PITPNM1: variants seen among roughly 807,000 people sequenced by gnomAD.
PITPNM1 encodes membrane-associated phosphatidylinositol transfer protein 1.
PITPNM1 carries 74 observed loss-of-function variants against 133.3 expected under a neutral mutation model. The ratio of observed to expected loss-of-function variants is 0.56; its 90% CI spans 0.46 to 0.67. The LOEUF (loss-of-function observed/expected upper bound fraction) is 0.67. Among genes scored for constraint, PITPNM1 ranks in the 30% least tolerant of loss-of-function variants. PITPNM1 has a pLI of 0.00. For missense variants in PITPNM1, 1,398 were observed against 1,739.5 expected, an observed-to-expected ratio of 0.80 and a Z score of 3.49; for synonymous variants, 738 against 741.4, an observed-to-expected ratio of 1.00 and a Z score of 0.08.
chr11:67,496,280 G>T lies in PITPNM1; in HGVS notation c.2215C>A (p.Arg739Ser). The change falls in exon 15 of 24, where the codon CGC becomes AGC. Residue 739 changes from arginine (R) to serine (S), a missense_variant. This residue lies in a region of PITPNM1 where 574 missense variants were observed against 698.7 expected (regional missense o/e 0.82). Transcript: ENST00000356404. ...TTCGGGGCCAGCAGGGGCTCGAGGC[G>T]TGAGGCGCAGGGGTCAGCCGCGTGG... ...LFHAADPCAS[R>S]LEPLLAPKFQ... 1.3e-6 allele frequency: 2 copies of T among 1,568,758 alleles called. No individual in the cohort carries two copies. Among genetic ancestry groups the T allele is most frequent in the Non-Finnish European group, 1.7e-6 (2 of 1,163,712 alleles).
chr11:67,497,642 C>T lies in PITPNM1; in HGVS notation c.1820G>A (p.Arg607Gln), dbSNP rs376493442. Residue 607 changes from arginine (R) to glutamine (Q), a missense_variant, in exon 13 of 24, where the codon CGG (arginine) becomes CAG (glutamine). Around this residue, in one of 5 missense-constraint regions of PITPNM1, gnomAD observed 574 missense variants for 698.7 expected, o/e 0.82. Transcript: ENST00000356404. ...ELLSPEFGPV[R>Q]DPLADGVEGL... ...TTCCACACCATCTGCCAGGGGGTCC[C>T]GCACTGGGCCAAACTCCGGAGAGAG... 8.1e-6 allele frequency: 13 copies of T among 1,610,138 alleles called. No homozygotes were observed. Among genetic ancestry groups the T allele is most frequent in the Middle Eastern group, 1.7e-4 (1 of 6,040 alleles).
intron 2 of PITPNM1, 191 bp downstream of exon 2, chr11:67,503,889 ACAGGAGATCAGAGGAGGGCTGGG>A: frequency 4.1e-6 from 2 of 481,934 alleles, no homozygotes; most frequent in Non-Finnish European, 7.5e-6. Flanking sequence ...GAGGAGGATT[ACAGGAGATCAGAGGAGGGCTGGG>A]CACTTAGCGG....
chr11:67,496,030 C>T (rs970580002), intron 15 of PITPNM1, 148 bp downstream of exon 15: 10 of 795,650 alleles, frequency 1.3e-5, no homozygotes, highest in East Asian at 6.7e-5. Flanking sequence ...GGGATCCAGA[C>T]CCCCCCAGGG....
intron 18 of PITPNM1, 89 bp downstream of exon 18, chr11:67,494,757 A>AG (rs1866051904): frequency 5.8e-6 from 3 of 516,454 alleles, no homozygotes; most frequent in Non-Finnish European, 9.4e-6. Flanking sequence ...GGACCCGAGG[A>AG]GGGGGGTGCT....
At chr11:67,505,583 G>C (rs1012149216), upstream of PITPNM1, among the ~76,000 whole-genome samples, 2 of 152,228 alleles carry the variant, frequency 1.3e-5, no homozygotes, top group Admixed American at 6.5e-5. This position sits in a 1 kb window ranked among gnomAD's most constrained non-coding sequence, Gnocchi z 5.8. Context: ...GGTCCCCAAA[G>C]ACTCTTAGTT....
rs2134299858 is a variant in PITPNM1 at position 67,498,022 on chromosome 11, G to A, written c.1677C>T (p.Val559=). 3.1e-6 allele frequency: 5 copies of A among 1,609,862 alleles called. No individual in the cohort carries two copies. Among genetic ancestry groups the A allele is most frequent in the Middle Eastern group, 1.6e-4 (1 of 6,062 alleles). Residue 559 remains valine (V), a splice_region_variant and synonymous_variant, in exon 12 of 24, where the codon GTC becomes GTT. Transcript: ENST00000356404. The surrounding 1 kb of genome is among the most constrained non-coding windows in gnomAD (Gnocchi z 5.7). ...CACCAACACCATCTCCAATCAGTGC[G>A]ACCTGGGTGGGAGCAGGGGCACCAT... is the stretch of plus-strand genomic sequence containing the variant. ...SPEGAGFCGQ[V]ALIGDGVGGI... is the part of the protein sequence containing the mutation.
At chr11:67,496,533 C>T (rs909430038) in intron 14 of PITPNM1, 185 bp from the exon 15 acceptor site, 5 of 542,132 alleles carry the variant, frequency 9.2e-6, no homozygotes, top group Non-Finnish European at 1.6e-5. Context: ...GGCACCGTGG[C>T]TCATGCCTGG....
chr11:67,497,447 G>A lies in PITPNM1; in HGVS notation c.1941-11C>T, dbSNP rs756489675. 6.3e-7 allele frequency: 1 copy of A among 1,591,568 alleles called. No homozygotes were observed. Among genetic ancestry groups the A allele is most frequent in the Non-Finnish European group, 8.6e-7 (1 of 1,166,922 alleles). On this transcript the variant is annotated splice_polypyrimidine_tract_variant and intron_variant, in intron 13 of 23. Coordinates refer to ENST00000356404, the MANE Select transcript of PITPNM1 (RefSeq NM_004910.3). ...GGGGCTGCCTGAAGGCTGTGGGGGA[G>A]GAGGGGTGCTCAGTGCTGCTGCCTC...
In PITPNM1 at chr11:67,493,007, G is replaced by A; in HGVS notation, c.3398C>T (p.Ala1133Val). ...CTGGCTCGGGGACAGCCCCAGCGCC[G>A]CGTATACAGCCACATCTTTGGGAGA... ...YGSPKDVAVY[A>V]ALGLSPSQTY... Residue 1133 changes from alanine to valine, a missense_variant, in exon 23 of 24, where the codon GCG (alanine) becomes GTG (valine). Coordinates refer to ENST00000356404, the MANE Select transcript of PITPNM1 (RefSeq NM_004910.3). 2.5e-6 allele frequency: 4 copies of A among 1,612,962 alleles called. No individual in the cohort carries two copies. Among genetic ancestry groups the A allele is most frequent in the East Asian group, 2.2e-5 (1 of 44,882 alleles).
rs776224174 is a variant in PITPNM1 at position 67,493,949 on chromosome 11, C to T, written c.2981G>A (p.Gly994Asp). Residue 994 changes from glycine (G) to aspartate (D), a missense_variant, in exon 20 of 24, where the codon GGT becomes GAT. Gly to Asp is a moderately conservative substitution (Grantham distance 94). Transcript: ENST00000356404. ...PVPPERALGI[G>D]VYPVRMVVRG... Reference sequence around the variant, plus strand: ...GACCACCATGCGCACGGGGTAGACACCAATGCCCAGCGCGCGTTCTGGGGG... The same window carrying T: ...GACCACCATGCGCACGGGGTAGACATCAATGCCCAGCGCGCGTTCTGGGGG... 6 of 1,602,024 alleles carry T rather than the reference C, an allele frequency of 3.7e-6. 1 individual carries two copies. In the South Asian group the frequency reaches 5.6e-5, roughly 15 times the overall value.
intron 7 of PITPNM1, 37 bp from the exon 8 acceptor site, chr11:67,499,867 A>T (rs1285246829): frequency 1.3e-6 from 2 of 1,591,404 alleles, no homozygotes; most frequent in Non-Finnish European, 1.7e-6. Context: ...GGGTGGGAGG[A>T]GCTGCTCGGG....
At chr11:67,494,977 G>A in intron 17 of PITPNM1, 21 bp from the exon 18 acceptor site, 1 of 1,610,404 alleles carries the variant, frequency 6.2e-7, no homozygotes, top group Non-Finnish European at 8.5e-7. Context: ...CAGGGGGCGA[G>A]GCCTCTGTCT....
At chr11:67,495,636 G>T (rs369061294) in intron 15 of PITPNM1, 34 bp from the exon 16 acceptor site, 2 of 1,519,142 alleles carry the variant, frequency 1.3e-6, no homozygotes, top group Non-Finnish European at 1.8e-6. Flanking sequence ...GCAGGGGCCG[G>T]CCAGGTGGCT....
intron 18 of PITPNM1, 46 bp from the exon 19 acceptor site, chr11:67,494,406 G>T: frequency 7.4e-7 from 1 of 1,344,138 alleles, no homozygotes; most frequent in Non-Finnish European, 1.0e-6. Flanking sequence ...AAAGGATGGG[G>T]ATGCTTGGGG....
At chr11:67,495,323 C>T in intron 16 of PITPNM1, 98 bp from the exon 17 acceptor site, 7 of 1,473,230 alleles carry the variant, frequency 4.8e-6, no homozygotes, top group Non-Finnish European at 6.3e-6. Flanking sequence ...ACCCAGCCTG[C>T]TCTTTGCCAA....
chr11:67,504,290 C>T lies in PITPNM1; in HGVS notation c.-41-69G>A. 1 of 553,262 alleles carries T rather than the reference C, an allele frequency of 1.8e-6. No homozygotes were observed. Among genetic ancestry groups the T allele is most frequent in the Non-Finnish European group, 2.7e-6 (1 of 372,162 alleles). The allele number at this position is 553,262 out of a possible 1,614,324, so 34.3% of individuals were successfully genotyped here. On this transcript the variant is annotated intron_variant, in intron 1 of 23. Coordinates refer to ENST00000356404, the MANE Select transcript of PITPNM1 (RefSeq NM_004910.3). The surrounding 1 kb of genome is among the most constrained non-coding windows in gnomAD (Gnocchi z 5.4). Reference sequence around the variant, plus strand: ...CGCGGCCCCGAGCCCTGCGCGCCGGCCGAGGGACTCAGGCCACGGGACCCC... The same window carrying T: ...CGCGGCCCCGAGCCCTGCGCGCCGGTCGAGGGACTCAGGCCACGGGACCCC...
Position 67,498,638 on chromosome 11 carries a change from G to T in PITPNM1, c.1442C>A (p.Pro481His). The change falls in exon 10 of 24, where the codon CCC becomes CAC. Residue 481 changes from proline to histidine, a missense_variant. This residue lies in a region of PITPNM1 where 574 missense variants were observed against 698.7 expected (regional missense o/e 0.82). Transcript: ENST00000356404. The surrounding 1 kb of genome is among the most constrained non-coding windows in gnomAD (Gnocchi z 5.7). ...ALGHVALRLV[P>H]CPPICAAAYA... ...GGCGGCGGCGCAGATGGGTGGACAG[G>T]GCACCAGTCGCAGCGCCACGTGGCC... 1 of 1,599,330 alleles carries T rather than the reference G, an allele frequency of 6.3e-7. No individual in the cohort carries two copies. Among genetic ancestry groups the T allele is most frequent in the Non-Finnish European group, 8.5e-7 (1 of 1,179,910 alleles).
In PITPNM1 at chr11:67,500,400, C is replaced by T. The variant is rs201076041; in HGVS notation, c.662G>A (p.Arg221Gln). 52 of 1,610,540 alleles carry T rather than the reference C, an allele frequency of 3.2e-5. No individual in the cohort carries two copies. The highest frequency in any genetic ancestry group is 3.8e-5 in the Non-Finnish European group (45 of 1,179,682). The change falls in exon 6 of 24, where the codon CGG becomes CAG. Residue 221 changes from arginine (R) to glutamine (Q), a missense_variant. Around this residue, in one of 5 missense-constraint regions of PITPNM1, gnomAD observed 274 missense variants for 360.7 expected, o/e 0.76. Transcript: ENST00000356404. ...CCAGCACCAGGCCTGGCGGTGGGCC[C>T]GCAGCATCACCCGACGCAGACCTGC... ...HDVGLRRVML[R>Q]AHRQAWCWQD...
At position 67,492,256 on chromosome 11, in the gene PITPNM1, T is replaced by G; in HGVS notation, c.3512A>C (p.Glu1171Ala). The change falls in exon 24 of 24, where the codon GAA (glutamate) becomes GCA (alanine). Residue 1171 changes from glutamate (E) to alanine (A), a missense_variant. Physicochemically the swap from Glu to Ala is moderately radical, Grantham distance 107. This residue lies in a region of PITPNM1 where 122 missense variants were observed against 123.3 expected (regional missense o/e 0.99). Coordinates refer to ENST00000356404, the MANE Select transcript of PITPNM1 (RefSeq NM_004910.3). ...GGAGGCATGCGAGTGCGAGCCCGCT[T>G]CCAGCTGGCCCAGGTGGGCCACATA... ...DGYVAHLGQL[E>A]AGSHSHASSG... 1 of 1,595,564 alleles carries G rather than the reference T, an allele frequency of 6.3e-7. No homozygotes were observed. Among genetic ancestry groups the G allele is most frequent in the Non-Finnish European group, 8.6e-7 (1 of 1,168,962 alleles).
Sources: gnomAD v4.1 joint callset for allele counts (sites outside exome capture counted in the v4.1 genomes callset) on GRCh38, gnomAD v4.1.1 for gene constraint, gnomAD v4.1.1 regional missense constraint, Gnocchi (gnomAD v3.1) non-coding constraint, MANE v1.5 for transcripts, NCBI Gene and HGNC (gene_info 2026-07-23, HGNC 2026-07-21) for gene names.